Variants in TBC1D16 observed in about 807,000 individuals in gnomAD.
TBC1D16 encodes the protein TBC1 domain family member 16.
A neutral mutation model predicts 74.7 loss-of-function variants in TBC1D16; 58 were observed. The ratio of observed to expected loss-of-function variants is 0.78; its 90% CI spans 0.63 to 0.97. The LOEUF (loss-of-function observed/expected upper bound fraction) is 0.97, where lower values mean the gene tolerates loss of function less well. Among genes scored for constraint, TBC1D16 ranks in the 50% least tolerant of loss-of-function variants. The probability of loss-of-function intolerance (pLI) is 0.00; values close to 1 mark genes in which losing one functional copy is unlikely to be tolerated. For missense variants in TBC1D16, 1,014 were observed against 1,079.5 expected (o/e 0.94, Z 0.85); for synonymous variants, 493 against 474.7 (o/e 1.04, Z -0.50).
rs2034484155 is a variant in TBC1D16 at position 79,979,439 on chromosome 17, C to T, written c.780-26621G>A. Among the ~76,000 whole-genome samples, 1 of 152,160 alleles carries T rather than the reference C, an allele frequency of 6.6e-6. No homozygotes were observed. The highest frequency in any genetic ancestry group is 2.1e-4 in the South Asian group (1 of 4,830). Reference sequence around the variant, plus strand: ...TGAAGCTGCGACACTGTGTGGAAACCCAGGGGAGATGGGAGAGGCCTGAAG... The same window carrying T: ...TGAAGCTGCGACACTGTGTGGAAACTCAGGGGAGATGGGAGAGGCCTGAAG... On this transcript the variant is annotated intron_variant, in intron 3 of 11. Transcript: ENST00000310924. This position sits in a 1 kb window ranked among gnomAD's most constrained non-coding sequence, Gnocchi z 4.8.
chr17:79,995,631 A>G (rs2035245035), intron 3 of TBC1D16, among the ~76,000 whole-genome samples: 1 of 146,708 alleles, frequency 6.8e-6, no homozygotes, highest in Admixed American at 7.0e-5. Flanking sequence ...TAAAAATACA[A>G]AAAATTAGCC....
At position 79,975,888 on chromosome 17, in the gene TBC1D16, C is replaced by T. The variant is rs2034311209; in HGVS notation, c.780-23070G>A. 6.6e-6 allele frequency among the ~76,000 whole-genome samples: 1 copy of T among 152,212 alleles called. No homozygotes were observed. Among genetic ancestry groups the T allele is most frequent in the Admixed American group, 6.5e-5 (1 of 15,290 alleles). On this transcript the variant is annotated intron_variant, in intron 3 of 11. Coordinates refer to ENST00000310924, the MANE Select transcript of TBC1D16 (RefSeq NM_019020.4). This position sits in a 1 kb window ranked among gnomAD's most constrained non-coding sequence, Gnocchi z 4.5. The stretch of plus-strand genomic sequence containing the variant: ...CTGGGCTTCAGGATGGCAGCAGCAG[C>T]TCCGGCAGGCGGCTCTCCAGGCCAC...
In TBC1D16 at chr17:79,956,346, G is replaced by A. The variant is rs1032341063; in HGVS notation, c.780-3528C>T. ...ACAACTCACCGCAGCCTCAGCCTCC[G>A]GGGCTCAAGCGATCCTCCAGCCTCA... On this transcript the variant is annotated intron_variant, in intron 3 of 11. Coordinates refer to ENST00000310924, the MANE Select transcript of TBC1D16 (RefSeq NM_019020.4). This position sits in a 1 kb window ranked among gnomAD's most constrained non-coding sequence, Gnocchi z 4.0. Among the ~76,000 whole-genome samples, 2 of 152,150 alleles carry A rather than the reference G, an allele frequency of 1.3e-5. No homozygotes were observed. The highest frequency in any genetic ancestry group is 4.8e-5 in the African/African-American group (2 of 41,440).
At position 79,940,332 on chromosome 17, in the gene TBC1D16, G is replaced by A. The variant is rs913866872; in HGVS notation, c.*527C>T. ...CCATCGGCATCCCAGCTGTGGCTGG[G>A]GACGTTTTGGGAAGTGTGTTTGGCT... On this transcript the variant is annotated 3_prime_UTR_variant, in exon 12 of 12. Coordinates refer to ENST00000310924, the MANE Select transcript of TBC1D16 (RefSeq NM_019020.4). The surrounding 1 kb of genome is among the most constrained non-coding windows in gnomAD (Gnocchi z 5.4). 6.6e-6 allele frequency: 1 copy of A among 152,390 alleles called. No individual in the cohort carries two copies. Among genetic ancestry groups the A allele is most frequent in the Non-Finnish European group, 1.5e-5 (1 of 68,234 alleles). The allele number at this position is 152,390 out of a possible 1,614,324, so 9.4% of individuals were successfully genotyped here.
chr17:79,963,693 GCCA>G (rs2033720304), intron 3 of TBC1D16, among the ~76,000 whole-genome samples: 1 of 152,074 alleles, frequency 6.6e-6, no homozygotes, highest in African/African-American at 2.4e-5. Context: ...TTACATTCCC[GCCA>G]GCAATGCATA....
chr17:80,026,979 A>G (rs2036601982), intron 1 of TBC1D16, among the ~76,000 whole-genome samples: 1 of 138,660 alleles, frequency 7.2e-6, no homozygotes, highest in Non-Finnish European at 1.5e-5. Flanking sequence ...CTCCTAAGAC[A>G]CAAAATGAGT....
At chr17:79,967,511 T>C (rs77070464) in intron 3 of TBC1D16, among the ~76,000 whole-genome samples, 17,536 of 152,114 alleles carry the variant, frequency 0.12, 1,086 homozygotes, top group South Asian at 0.16. Context: ...AAAATAAAAT[T>C]AATAAAACAA....
chr17:80,003,660 G>A (rs2144614609), intron 3 of TBC1D16, among the ~76,000 whole-genome samples: 1 of 150,266 alleles, frequency 6.7e-6, no homozygotes, highest in Admixed American at 6.6e-5. Flanking sequence ...AAAAAAAAAA[G>A]TGCTCATAAT....
In TBC1D16 at chr17:79,990,213, T is replaced by C. The variant is rs1424925499; in HGVS notation, c.779+19947A>G. Among the ~76,000 whole-genome samples the C allele has an allele frequency of 6.6e-6, 1 of 152,190 alleles. No homozygotes were observed. The highest frequency in any genetic ancestry group is 1.5e-5 in the Non-Finnish European group (1 of 68,032). On this transcript the variant is annotated intron_variant, in intron 3 of 11. Transcript: ENST00000310924. This position sits in a 1 kb window ranked among gnomAD's most constrained non-coding sequence, Gnocchi z 4.8. The stretch of plus-strand genomic sequence containing the variant: ...ACGGAGGCTTCAACTCAGCCTGAAC[T>C]AGCCGCGTGGACAGCAGCCGTAGCC...
intron 3 of TBC1D16, among the ~76,000 whole-genome samples, chr17:79,991,045 A>G (rs1328314014): frequency 2.0e-5 from 3 of 152,242 alleles, no homozygotes; most frequent in Admixed American, 6.5e-5. Flanking sequence ...CGGTGCTGCT[A>G]TGGGCAGGGG....
chr17:80,010,838 C>A lies in TBC1D16; in HGVS notation c.182-81G>T, dbSNP rs998835442. 9.2e-7 allele frequency: 1 copy of A among 1,087,378 alleles called. No homozygotes were observed. Among genetic ancestry groups the A allele is most frequent in the Non-Finnish European group, 1.3e-6 (1 of 794,254 alleles). 67.4% of individuals were successfully genotyped at this position (1,087,378 alleles called of 1,614,324 possible). A position where few individuals can be genotyped will look rare whatever the true frequency, so the allele number is the denominator to read the frequency against. The stretch of plus-strand genomic sequence containing the variant: ...CTTGTGGTACCTTTGGCGAGCTGCT[C>A]GGAGAGGCCACTGCCCTTTAGTAAA... On this transcript the variant is annotated intron_variant, in intron 2 of 11. Transcript: ENST00000310924. This position sits in a 1 kb window ranked among gnomAD's most constrained non-coding sequence, Gnocchi z 8.8.
intron 1 of TBC1D16, among the ~76,000 whole-genome samples, chr17:80,021,607 A>T (rs575981317): frequency 1.3e-5 from 2 of 149,730 alleles, no homozygotes; most frequent in East Asian, 3.9e-4. Flanking sequence ...TATAGTAAAG[A>T]TCACTACATA....
At chr17:79,964,530 G>A (rs185881404) in intron 3 of TBC1D16, among the ~76,000 whole-genome samples, 53 of 152,224 alleles carry the variant, frequency 3.5e-4, no homozygotes, top group African/African-American at 1.1e-3. Flanking sequence ...GGGGGGACAC[G>A]AAGAAACTTC....
intron 1 of TBC1D16, among the ~76,000 whole-genome samples, chr17:80,016,344 G>A (rs552509262): frequency 3.9e-5 from 6 of 152,194 alleles, no homozygotes; most frequent in Non-Finnish European, 5.9e-5. Context: ...GGACAGTGGC[G>A]GCGGCTCTAC....
rs780054374 is a variant in TBC1D16, at chr17:79,979,186, C to T, written c.780-26368G>A. Among the ~76,000 whole-genome samples, 27 of 152,182 alleles carry T rather than the reference C, an allele frequency of 1.8e-4. No individual in the cohort carries two copies. Among genetic ancestry groups the T allele is most frequent in the Non-Finnish European group, 3.7e-4 (25 of 68,026 alleles). On this transcript the variant is annotated intron_variant, in intron 3 of 11. Transcript: ENST00000310924. The surrounding 1 kb of genome is among the most constrained non-coding windows in gnomAD (Gnocchi z 4.8). The stretch of plus-strand genomic sequence containing the variant: ...CTAGGGAAAGGAGGAGCCATAGGAG[C>T]TGGGCAGGGAAGGCCAGAGCACACA...
chr17:79,955,183 G>C (rs2033278972), intron 3 of TBC1D16, among the ~76,000 whole-genome samples: 1 of 152,186 alleles, frequency 6.6e-6, no homozygotes, highest in South Asian at 2.1e-4. Flanking sequence ...CTGTGCTTGG[G>C]ACCTACAGCT....
At chr17:79,991,365 G>T (rs1210163598) in intron 3 of TBC1D16, among the ~76,000 whole-genome samples, 3 of 151,824 alleles carry the variant, frequency 2.0e-5, no homozygotes, top group Non-Finnish European at 4.4e-5. Context: ...TGAGGCTGAC[G>T]CGAGGTGGGG....
intron 1 of TBC1D16, among the ~76,000 whole-genome samples, chr17:80,023,160 G>A (rs1281594316): frequency 6.7e-6 from 1 of 149,936 alleles, no homozygotes; most frequent in African/African-American, 2.5e-5. Flanking sequence ...AATGGGACAG[G>A]CGGGGTCATT....
chr17:80,003,842 G>A (rs1249400300), intron 3 of TBC1D16, among the ~76,000 whole-genome samples: 2 of 152,116 alleles, frequency 1.3e-5, no homozygotes, highest in Non-Finnish European at 2.9e-5. Flanking sequence ...TTGAGCCTAG[G>A]AGTTTGAGAC....
Sources: allele counts gnomAD v4.1 joint callset (sites outside exome capture counted in the v4.1 genomes callset), GRCh38; gene constraint gnomAD v4.1.1; non-coding constraint Gnocchi (gnomAD v3.1); transcripts MANE v1.5; gene names NCBI Gene and HGNC (gene_info 2026-07-23, HGNC 2026-07-21).